The following SPO11 variants were observed in gnomAD, a reference collection of about 807,000 sequenced individuals.
The protein encoded by SPO11 is SPO11 initiator of meiotic double strand breaks.
SPO11 carries 49 observed loss-of-function variants against 51.6 expected under a neutral mutation model. The observed-to-expected ratio is 0.95, with a 90% confidence interval of 0.75 to 1.20. SPO11 has a LOEUF of 1.20. SPO11 is among the 50% of genes most tolerant of loss of function. The pLI is 0.00. For missense variants in SPO11, 431 were observed against 473.4 expected (o/e 0.91, Z 0.83); for synonymous variants, 176 against 158.2 (o/e 1.11, Z -0.84).
At chr20:57,340,297 C>T (rs909824865) in intron 11 of SPO11, 119 bp downstream of exon 11, 39 of 600,752 alleles carry the variant, frequency 6.5e-5, no homozygotes, top group South Asian at 3.2e-4. Context: ...ATATTGTCCA[C>T]GATGACTTAT....
chr20:57,332,244 CT>C (rs1441202287), intron 2 of SPO11, among the ~76,000 whole-genome samples: 1 of 152,182 alleles, frequency 6.6e-6, no homozygotes, highest in Non-Finnish European at 1.5e-5. Context: ...AGGCACCATA[CT>C]TGGAGCTAAG....
chr20:57,334,217 C>T (rs916541379), intron 5 of SPO11, 122 bp downstream of exon 5: 2 of 314,174 alleles, frequency 6.4e-6, no homozygotes, highest in Middle Eastern at 1.1e-3. Flanking sequence ...TGCAGTGGCG[C>T]GATCTCAACT....
chr20:57,329,970 C>G lies in SPO11; in HGVS notation c.103C>G (p.Pro35Ala), dbSNP rs780432223. 1.9e-6 allele frequency: 3 copies of G among 1,609,492 alleles called. No individual in the cohort carries two copies. Among genetic ancestry groups the G allele is most frequent in the Non-Finnish European group, 2.5e-6 (3 of 1,178,550 alleles). ...CCTGAGGAGAGGTGGCAGGGAGCCCCCAACTGGGGGAAGCCGCCTGGCCTC... is the reference window on the plus strand; with the variant it reads ...CCTGAGGAGAGGTGGCAGGGAGCCCGCAACTGGGGGAAGCCGCCTGGCCTC... ...AALRRGGREP[P>A]TGGSRLASSS... Residue 35 changes from proline to alanine, a missense_variant, in exon 1 of 13, where the codon CCA (proline) becomes GCA (alanine). This residue lies in a region of SPO11 where 405 missense variants were observed against 425.9 expected (regional missense o/e 0.95). Transcript: ENST00000371263.
Position 57,335,403 on chromosome 20 carries a change from A to C in SPO11, c.598-16A>C. The C allele has an allele frequency of 6.3e-7, 1 of 1,599,648 alleles. No homozygotes were observed. Among genetic ancestry groups the C allele is most frequent in the South Asian group, 1.1e-5 (1 of 87,914 alleles). ...ATTTTGCTTTTTATGTAAGATAAAAACTTTTTTTTTAAAAGGCTGTTGCTG... is the reference window on the plus strand; with the variant it reads ...ATTTTGCTTTTTATGTAAGATAAAACCTTTTTTTTTAAAAGGCTGTTGCTG... On this transcript the variant is annotated splice_polypyrimidine_tract_variant and intron_variant, in intron 6 of 12. Coordinates refer to ENST00000371263, the MANE Select transcript of SPO11 (RefSeq NM_012444.3).
In SPO11 at chr20:57,329,811, C is replaced by G; in HGVS notation, c.-57C>G. 6.5e-7 allele frequency: 1 copy of G among 1,548,566 alleles called. No homozygotes were observed. Among genetic ancestry groups the G allele is most frequent in the East Asian group, 2.3e-5 (1 of 44,126 alleles). ...GCGCGGGAAAGGCACGCAGCCACGCCCCAAGGGCGCAGCCTAGGACAGGGG... is the reference window on the plus strand; with the variant it reads ...GCGCGGGAAAGGCACGCAGCCACGCGCCAAGGGCGCAGCCTAGGACAGGGG... On this transcript the variant is annotated 5_prime_UTR_variant, in exon 1 of 13. Transcript: ENST00000371263.
At chr20:57,338,925 G>A (rs546722170) in intron 9 of SPO11, 64 bp from the exon 10 acceptor site, 1 of 1,026,060 alleles carries the variant, frequency 9.7e-7, no homozygotes, top group African/African-American at 1.7e-5. Context: ...GATAAAATTT[G>A]AGAGTGCAAA....
At position 57,333,194 on chromosome 20, in the gene SPO11, A is replaced by G. The variant is rs1468587160; in HGVS notation, c.252A>G (p.Glu84=). The change falls in exon 3 of 13, where the codon GAA becomes GAG. Residue 84 remains glutamate (E), a synonymous_variant. Coordinates refer to ENST00000371263, the MANE Select transcript of SPO11 (RefSeq NM_012444.3). ...GCTTTAAACAAAATGACAGGTTTGAAGATTCTGTGGGTCTTCAGATGGTAT... is the reference window on the plus strand; with the variant it reads ...GCTTTAAACAAAATGACAGGTTTGAGGATTCTGTGGGTCTTCAGATGGTAT... ...NRSSWENIKF[E]DSVGLQMVSH... 6.3e-7 allele frequency: 1 copy of G among 1,599,284 alleles called. No individual in the cohort carries two copies. Among genetic ancestry groups the G allele is most frequent in the Non-Finnish European group, 8.5e-7 (1 of 1,175,990 alleles).
chr20:57,331,822 T>C lies in SPO11; in HGVS notation c.132-11T>C. The C allele has an allele frequency of 6.8e-7, 1 of 1,471,382 alleles. No homozygotes were observed. Among genetic ancestry groups the C allele is most frequent in the Non-Finnish European group, 9.2e-7 (1 of 1,083,400 alleles). 91.1% of individuals were successfully genotyped at this position (1,471,382 alleles called of 1,614,324 possible). ...GATTAAGATGGAATCATGCTCTGTT[T>C]ATTGTTTCAGTTCTGAGGTTCTTGC... is the stretch of plus-strand genomic sequence containing the variant. On this transcript the variant is annotated splice_polypyrimidine_tract_variant and intron_variant, in intron 1 of 12. Coordinates refer to ENST00000371263, the MANE Select transcript of SPO11 (RefSeq NM_012444.3).
At position 57,338,356 on chromosome 20, in the gene SPO11, T is replaced by C. The variant is rs1239757506; in HGVS notation, c.825T>C (p.Leu275=). The change falls in exon 9 of 13, where the codon CTT becomes CTC. Residue 275 remains leucine, a synonymous_variant. Transcript: ENST00000371263. ...WDTFHVPVFT[L]VDADPHGIEI... ...CATTTCATGTTCCTGTTTTCACTCT[T>C]GTAGATGCTGATCCACATGGTAATT... The C allele has an allele frequency of 1.2e-6, 2 of 1,611,762 alleles. No homozygotes were observed. Among genetic ancestry groups the C allele is most frequent in the Non-Finnish European group, 1.7e-6 (2 of 1,177,966 alleles).
At position 57,335,785 on chromosome 20, in the gene SPO11, C is replaced by T. The variant is rs760107334; in HGVS notation, c.635-13C>T. The T allele has an allele frequency of 2.7e-6, 4 of 1,492,052 alleles. No homozygotes were observed. The highest frequency in any genetic ancestry group is 1.9e-6 in the Non-Finnish European group (2 of 1,071,874). The allele number at this position is 1,492,052 out of a possible 1,614,324, so 92.4% of individuals were successfully genotyped here. ...ATACTCTTGCTTTCAATTTATCAGC[C>T]TTAACTTCACAGATTTAGTTACAGA... is the stretch of plus-strand genomic sequence containing the variant. On this transcript the variant is annotated splice_polypyrimidine_tract_variant and intron_variant, in intron 7 of 12. Coordinates refer to ENST00000371263, the MANE Select transcript of SPO11 (RefSeq NM_012444.3).
In SPO11 at chr20:57,338,973, AACTT is replaced by A. The variant is rs1357647584; in HGVS notation, c.845-15_845-12del. ...ATGTAAGGAGACTAATTTTATAGTT[AACTT>A]TCTTTTAACAGGCATAGAAATAATG... is the stretch of plus-strand genomic sequence containing the variant. On this transcript the variant is annotated splice_polypyrimidine_tract_variant and intron_variant, in intron 9 of 12. Transcript: ENST00000371263. The A allele has an allele frequency of 6.9e-7, 1 of 1,444,626 alleles. No homozygotes were observed. Among genetic ancestry groups the A allele is most frequent in the Non-Finnish European group, 9.5e-7 (1 of 1,054,174 alleles). 89.5% of individuals were successfully genotyped at this position (1,444,626 alleles called of 1,614,324 possible).
At chr20:57,330,051 C>G in intron 1 of SPO11, 53 bp downstream of exon 1, 3 of 1,509,902 alleles carry the variant, frequency 2.0e-6, no homozygotes, top group Non-Finnish European at 2.7e-6. Flanking sequence ...AAAAGTCGGG[C>G]GCTCTTCCTG....
chr20:57,338,915 G>A (rs2066546267), intron 9 of SPO11, 74 bp from the exon 10 acceptor site: 2 of 920,804 alleles, frequency 2.2e-6, no homozygotes, highest in Non-Finnish European at 3.3e-6. Flanking sequence ...ATTATAGATA[G>A]ATAAAATTTG....
intron 7 of SPO11, 30 bp from the exon 8 acceptor site, chr20:57,335,768 G>T: frequency 7.6e-7 from 1 of 1,315,728 alleles, no homozygotes; most frequent in Non-Finnish European, 1.1e-6. Flanking sequence ...AAATACTCTT[G>T]CTTTCAATTT....
chr20:57,331,360 G>T (rs1011384226), intron 1 of SPO11, among the ~76,000 whole-genome samples: 18 of 152,218 alleles, frequency 1.2e-4, no homozygotes, highest in Non-Finnish European at 1.9e-4. Flanking sequence ...GACCACAAAA[G>T]GTGTTTCTTT....
At chr20:57,337,297 CCCA>C (rs2066524049) in intron 8 of SPO11, among the ~76,000 whole-genome samples, 1 of 152,210 alleles carries the variant, frequency 6.6e-6, no homozygotes, top group Non-Finnish European at 1.5e-5. Context: ...ATAATATTAT[CCCA>C]CCATTTAAGT....
In SPO11 at chr20:57,338,310, T is replaced by G. The variant is rs1478156577; in HGVS notation, c.779T>G (p.Leu260Ter). The change falls in exon 9 of 13, where the codon TTA becomes TGA. Residue 260 changes from leucine to a stop codon, truncating the protein, a stop_gained. Coordinates refer to ENST00000371263, the MANE Select transcript of SPO11 (RefSeq NM_012444.3). LOFTEE classifies it high-confidence loss of function. ...GTTCCTGATCTAAACACAAGACTTT[T>G]AGTCAAGAAACTGTGGGATACATTT... ...KGVPDLNTRL[L>*]VKKLWDTFHV... is the part of the protein sequence containing the mutation. 6.2e-7 allele frequency: 1 copy of G among 1,613,720 alleles called. No individual in the cohort carries two copies.
chr20:57,342,580 C>A (rs2066595723), intron 11 of SPO11, 149 bp from the exon 12 acceptor site: 1 of 566,058 alleles, frequency 1.8e-6, no homozygotes, highest in Admixed American at 3.4e-5. Flanking sequence ...CATGACAGAT[C>A]CCTTCAATCC....
chr20:57,341,250 C>T (rs1414692367), intron 11 of SPO11, among the ~76,000 whole-genome samples: 1 of 152,182 alleles, frequency 6.6e-6, no homozygotes, highest in African/African-American at 2.4e-5. Context: ...TCTGATAGGT[C>T]GTGCTTTGAT....
Sources: allele counts gnomAD v4.1 joint callset (sites outside exome capture counted in the v4.1 genomes callset), GRCh38; gene constraint gnomAD v4.1.1; regional missense constraint gnomAD v4.1.1; transcripts MANE v1.5; gene names NCBI Gene and HGNC (gene_info 2026-07-23, HGNC 2026-07-21).